Variants in C1GALT1 observed in about 807,000 individuals in gnomAD.
C1GALT1 encodes core 1 synthase, glycoprotein-N-acetylgalactosamine 3-beta-galactosyltransferase 1.
A neutral mutation model predicts 31.0 loss-of-function variants in C1GALT1; 11 were observed. The observed-to-expected ratio is 0.36, with a 90% confidence interval of 0.22 to 0.59. The LOEUF (loss-of-function observed/expected upper bound fraction) is 0.59. Among genes scored for constraint, C1GALT1 ranks in the 20% least tolerant of loss-of-function variants. C1GALT1 has a pLI of 0.79. For synonymous variants in C1GALT1, 175 were observed against 143.6 expected (o/e 1.22, Z -1.56); for missense variants, 424 against 425.2 (o/e 1.00, Z 0.03).
At chr7:7,220,967 T>TGTATGTG (rs1449552784) in intron 1 of C1GALT1, among the ~76,000 whole-genome samples, 1 of 149,130 alleles carries the variant, frequency 6.7e-6, no homozygotes, top group African/African-American at 2.5e-5. Context: ...TCTGGTCTCT[T>TGTATGTG]GTATGTGACC....
At chr7:7,221,748 C>G (rs1012226383) in intron 1 of C1GALT1, among the ~76,000 whole-genome samples, 4 of 152,190 alleles carry the variant, frequency 2.6e-5, no homozygotes, top group Non-Finnish European at 4.4e-5. Context: ...TGCCAGTGCT[C>G]TCTCCATAGG....
intron 1 of C1GALT1, among the ~76,000 whole-genome samples, chr7:7,200,548 G>T (rs2347891): frequency 0.031 from 4,696 of 152,182 alleles, 161 homozygotes; most frequent in African/African-American, 0.084. Context: ...GGCCTGCCTC[G>T]CTAGATTGGG....
chr7:7,218,677 C>T (rs1268513505), intron 1 of C1GALT1, among the ~76,000 whole-genome samples: 2 of 152,138 alleles, frequency 1.3e-5, no homozygotes, highest in East Asian at 3.9e-4. Context: ...TGAGAGTTTA[C>T]ACTGAAACAG....
At position 7,182,660 on chromosome 7, in the gene C1GALT1, T is replaced by TGCTGCCGCTGC. The variant is rs889135514; in HGVS notation, c.-177_-167dup. ...GGGCCCGCCTTGGCCGCCGCCGCTGTGCTGCCGCTGCCGGGGAATAATCTG... is the reference window on the plus strand; with the variant it reads ...GGGCCCGCCTTGGCCGCCGCCGCTGTGCTGCCGCTGCGCTGCCGCTGCCGGGGAATAATCTG... On this transcript the variant is annotated 5_prime_UTR_variant, in exon 1 of 4. Transcript: ENST00000436587. 1.1e-5 allele frequency: 4 copies of TGCTGCCGCTGC among 361,644 alleles called. No homozygotes were observed. The highest frequency in any genetic ancestry group is 2.2e-5 in the African/African-American group (1 of 45,238). 22.4% of individuals were successfully genotyped at this position (361,644 alleles called of 1,614,324 possible). A position where few individuals can be genotyped will look rare whatever the true frequency, so the allele number is the denominator to read the frequency against.
chr7:7,198,502 T>C (rs1009713561), intron 1 of C1GALT1, among the ~76,000 whole-genome samples: 1 of 152,168 alleles, frequency 6.6e-6, no homozygotes, highest in Admixed American at 6.5e-5. Flanking sequence ...CTCTTTTTTT[T>C]ATTGTGTCTC....
chr7:7,164,492 A>G (rs1375132573), intron 2 of C1GALT1, among the ~76,000 whole-genome samples: 2 of 152,176 alleles, frequency 1.3e-5, no homozygotes, highest in African/African-American at 2.4e-5. Context: ...TGGGTTTTCC[A>G]GAAAACAGAC....
intron 2 of C1GALT1, among the ~76,000 whole-genome samples, chr7:7,172,679 GT>G (rs1274105119): frequency 6.6e-6 from 1 of 152,074 alleles, no homozygotes; most frequent in Non-Finnish European, 1.5e-5. Context: ...TAGGTTTACA[GT>G]GAAATGCAGC....
intron 1 of C1GALT1, among the ~76,000 whole-genome samples, chr7:7,197,154 A>G (rs958452037): frequency 2.0e-5 from 3 of 152,066 alleles, no homozygotes; most frequent in Non-Finnish European, 4.4e-5. Context: ...AGGTTTTCTT[A>G]CAGGGTTTTT....
chr7:7,232,868 T>A (rs897270349), intron 1 of C1GALT1, among the ~76,000 whole-genome samples: 3 of 152,212 alleles, frequency 2.0e-5, no homozygotes, highest in Non-Finnish European at 4.4e-5. Context: ...ATGAATTAAT[T>A]ACCTGTTTAA....
At chr7:7,196,047 G>A (rs1178879030) in intron 1 of C1GALT1, among the ~76,000 whole-genome samples, 1 of 150,510 alleles carries the variant, frequency 6.6e-6, no homozygotes, top group African/African-American at 2.5e-5. Flanking sequence ...TGTTGTTGTT[G>A]TTGTTTTTGT....
intron 1 of C1GALT1, among the ~76,000 whole-genome samples, chr7:7,212,784 G>A (rs1256389943): frequency 2.0e-5 from 3 of 151,834 alleles, no homozygotes; most frequent in Non-Finnish European, 2.9e-5. Flanking sequence ...GGGAGGGGAG[G>A]GTGTATTGTC....
In C1GALT1 at chr7:7,240,791, A is replaced by G. The variant is rs553202309; in HGVS notation, c.888+1869A>G. Among the ~76,000 whole-genome samples, 91 of 152,250 alleles carry G rather than the reference A, an allele frequency of 6.0e-4. 1 individual carries two copies. The South Asian group carries it at 0.012, about 20-fold the overall frequency. On this transcript the variant is annotated intron_variant, in intron 3 of 3. Coordinates refer to ENST00000436587, the MANE Select transcript of C1GALT1 (RefSeq NM_020156.5). ...CCTCAGGAGATTCTTACATAAACCCAACGTGAAACTAAAATTCTATTATTA... is the reference window on the plus strand; with the variant it reads ...CCTCAGGAGATTCTTACATAAACCCGACGTGAAACTAAAATTCTATTATTA...
At chr7:7,213,584 T>C (rs1177976008) in intron 1 of C1GALT1, among the ~76,000 whole-genome samples, 1 of 152,182 alleles carries the variant, frequency 6.6e-6, no homozygotes, top group African/African-American at 2.4e-5. Flanking sequence ...AATTTCCAGA[T>C]TGGCATAAAT....
In C1GALT1 at chr7:7,238,119, C is replaced by A; in HGVS notation, c.221-136C>A. 4 of 838,016 alleles carry A rather than the reference C, an allele frequency of 4.8e-6. No homozygotes were observed. Among genetic ancestry groups the A allele is most frequent in the South Asian group, 2.1e-5 (1 of 48,170 alleles). 51.9% of individuals were successfully genotyped at this position (838,016 alleles called of 1,614,324 possible). On this transcript the variant is annotated intron_variant, in intron 2 of 3. Coordinates refer to ENST00000436587, the MANE Select transcript of C1GALT1 (RefSeq NM_020156.5). The surrounding 1 kb of genome is among the most constrained non-coding windows in gnomAD (Gnocchi z 5.2). ...GTCAGTTCACATTAGGATGAGTTTG[C>A]TTTCCTTTGGCTAAATCACTAATAG...
At chr7:7,220,942 C>T (rs1782484521) in intron 1 of C1GALT1, among the ~76,000 whole-genome samples, 1 of 152,146 alleles carries the variant, frequency 6.6e-6, no homozygotes, top group Non-Finnish European at 1.5e-5. Flanking sequence ...TGTGCAAGTC[C>T]AGAACCACTT....
chr7:7,159,205 T>G (rs1031056755), intron 2 of C1GALT1, among the ~76,000 whole-genome samples: 2 of 152,140 alleles, frequency 1.3e-5, no homozygotes, highest in African/African-American at 4.8e-5. Context: ...ACTGTCTATG[T>G]AATTTTCTTT....
intron 2 of C1GALT1, among the ~76,000 whole-genome samples, chr7:7,235,774 A>G (rs1783308234): frequency 6.6e-6 from 1 of 152,126 alleles, no homozygotes; most frequent in African/African-American, 2.4e-5. Context: ...TTTCTTTTAT[A>G]TGGCTCATTA....
chr7:7,195,903 G>A (rs1444268415), intron 1 of C1GALT1, among the ~76,000 whole-genome samples: 3 of 152,036 alleles, frequency 2.0e-5, no homozygotes, highest in African/African-American at 4.8e-5. Flanking sequence ...GTTGGACAAG[G>A]CCTTTTGTCA....
rs1180888098 is a variant in C1GALT1 at position 7,244,673 on chromosome 7, G to C, written c.*946G>C. On this transcript the variant is annotated 3_prime_UTR_variant, in exon 4 of 4. Coordinates refer to ENST00000436587, the MANE Select transcript of C1GALT1 (RefSeq NM_020156.5). Reference sequence around the variant, plus strand: ...AACTCTTTCCAACTACATAGTTATGGTTTATTTCATTCTCATCCTGTTGGG... The same window carrying C: ...AACTCTTTCCAACTACATAGTTATGCTTTATTTCATTCTCATCCTGTTGGG... 7 of 152,078 alleles carry C rather than the reference G, an allele frequency of 4.6e-5. No homozygotes were observed. Among genetic ancestry groups the C allele is most frequent in the Non-Finnish European group, 4.4e-5 (3 of 67,978 alleles). 9.4% of individuals were successfully genotyped at this position (152,078 alleles called of 1,614,324 possible).
Sources: gnomAD v4.1 joint callset for allele counts (sites outside exome capture counted in the v4.1 genomes callset) on GRCh38, gnomAD v4.1.1 for gene constraint, Gnocchi (gnomAD v3.1) non-coding constraint, MANE v1.5 for transcripts, NCBI Gene and HGNC (gene_info 2026-07-23, HGNC 2026-07-21) for gene names.